The following MYO18A variants were observed in gnomAD, a reference collection of about 807,000 sequenced individuals.
MYO18A encodes the protein unconventional myosin-XVIIIa.
MYO18A carries 78 observed loss-of-function variants against 235.8 expected under a neutral mutation model. That is an observed-to-expected ratio of 0.33 (90% confidence interval 0.28 to 0.40). MYO18A has a LOEUF of 0.40. MYO18A is among the 10% of genes least tolerant of loss of function. The pLI, the probability that MYO18A is intolerant of heterozygous loss-of-function variation, is 1.00. For missense variants in MYO18A, 2,215 were observed against 2,699.3 expected (o/e 0.82, Z 3.98); for synonymous variants, 977 against 1,077.8 (o/e 0.91, Z 1.83).
At chr17:29,129,309 C>A (rs2067403584) in intron 2 of MYO18A, among the ~76,000 whole-genome samples, 1 of 152,172 alleles carries the variant, frequency 6.6e-6, no homozygotes. Flanking sequence ...TTTCCTCCTG[C>A]AAACCTCTCA....
rs914343856 is a variant in MYO18A at position 29,106,668 on chromosome 17, C to T, written c.3441+412G>A. Among the ~76,000 whole-genome samples, 2 of 152,190 alleles carry T rather than the reference C, an allele frequency of 1.3e-5. No individual in the cohort carries two copies. The highest frequency in any genetic ancestry group is 2.4e-5 in the African/African-American group (1 of 41,440). On this transcript the variant is annotated intron_variant, in intron 20 of 41. Coordinates refer to ENST00000527372, the MANE Select transcript of MYO18A (RefSeq NM_078471.4). The surrounding 1 kb of genome is among the most constrained non-coding windows in gnomAD (Gnocchi z 4.6). ...GGCAGCCTATGTTCACCTGGCACCA[C>T]GGAGGTCTCACCATATCCACCTTCC...
intron 32 of MYO18A, 116 bp from the exon 33 acceptor site, chr17:29,093,117 G>A: frequency 7.2e-7 from 1 of 1,395,416 alleles, no homozygotes; most frequent in Non-Finnish European, 9.6e-7. Flanking sequence ...GATGCTGGAA[G>A]AGCCAGGGTC....
At chr17:29,176,936 C>T (rs866848049) in intron 1 of MYO18A, among the ~76,000 whole-genome samples, 7 of 152,338 alleles carry the variant, frequency 4.6e-5, no homozygotes, top group African/African-American at 9.6e-5. Context: ...CCATCTCCCC[C>T]GGAAGGCAGC....
chr17:29,086,530 A>G lies in MYO18A; in HGVS notation c.5760T>C (p.Ala1920=). 2 of 1,613,072 alleles carry G rather than the reference A, an allele frequency of 1.2e-6. No individual in the cohort carries two copies. The highest frequency in any genetic ancestry group is 1.7e-6 in the Non-Finnish European group (2 of 1,179,546). Residue 1920 remains alanine (A), a synonymous_variant, in exon 39 of 42, where the codon GCT becomes GCC. Transcript: ENST00000527372. ...TGCGCTTGAATGCCAACTTTAGGTC[A>G]GCCTGCAGGCTCTGGTTAGCAGCCT... is the stretch of plus-strand genomic sequence containing the variant. The part of the protein sequence containing the change: ...SLEAANQSLQ[A]DLKLAFKRIG...
In MYO18A at chr17:29,166,479, C is replaced by G. The variant is rs1313427344; in HGVS notation, c.462G>C (p.Ser154=). 2 of 1,613,590 alleles carry G rather than the reference C, an allele frequency of 1.2e-6. No individual in the cohort carries two copies. Among genetic ancestry groups the G allele is most frequent in the Admixed American group, 1.7e-5 (1 of 60,010 alleles). ...RSRDESASET[S]TPSEHSAAPS... ...GGGCGGCAGAGTGCTCTGAGGGCGT[C>G]GAGGTTTCTGAGGCGCTCTCATCCC... Residue 154 remains serine (S), a synonymous_variant, in exon 2 of 42, where the codon TCG becomes TCC. Transcript: ENST00000527372.
At chr17:29,148,348 G>A (rs1404987406) in intron 2 of MYO18A, among the ~76,000 whole-genome samples, 2 of 152,190 alleles carry the variant, frequency 1.3e-5, no homozygotes, top group African/African-American at 4.8e-5. Flanking sequence ...TATTTAGGGA[G>A]TTGGGGAGAG....
chr17:29,135,438 T>TG (rs11411196), intron 2 of MYO18A, among the ~76,000 whole-genome samples: 92,975 of 152,084 alleles, frequency 0.61, 29,284 homozygotes, highest in East Asian at 0.88. Flanking sequence ...TTATCATGAA[T>TG]AATAGTTAAA....
chr17:29,161,074 G>C (rs2068161822), intron 2 of MYO18A, among the ~76,000 whole-genome samples: 1 of 152,046 alleles, frequency 6.6e-6, no homozygotes, highest in South Asian at 2.1e-4. Flanking sequence ...CAAAAATTAG[G>C]CTGGGCTTGG....
intron 11 of MYO18A, 110 bp downstream of exon 11, chr17:29,116,334 G>A: frequency 2.3e-6 from 3 of 1,325,678 alleles, no homozygotes; most frequent in Non-Finnish European, 3.3e-6. Context: ...ACAGTGGGGA[G>A]GCAAAAAAGC....
At chr17:29,093,894 A>C (rs1598289721) in intron 31 of MYO18A, 86 bp downstream of exon 31, 2 of 917,650 alleles carry the variant, frequency 2.2e-6, no homozygotes, top group African/African-American at 3.3e-5. Flanking sequence ...GATGTGGCTG[A>C]GGTAGGGAGG....
chr17:29,086,311 G>C, intron 39 of MYO18A, 127 bp downstream of exon 39: 1 of 1,064,520 alleles, frequency 9.4e-7, no homozygotes, highest in Non-Finnish European at 1.4e-6. Context: ...GCAGTAAAGG[G>C]AGGGTGGGTT....
At chr17:29,093,174 C>A (rs544278485) in intron 32 of MYO18A, 149 bp downstream of exon 32, 8 of 1,057,542 alleles carry the variant, frequency 7.6e-6, no homozygotes, top group Admixed American at 2.2e-5. Context: ...TATGGTGATG[C>A]CCCCATCCCA....
In MYO18A at chr17:29,111,377, A is replaced by C. The variant is rs768542428; in HGVS notation, c.2900+47T>G. Reference sequence around the variant, plus strand: ...CCAGGGGGAGGGAGCCCCAAAATCAAAACAGTCCTGGGTACAGAACAGGGG... The same window carrying C: ...CCAGGGGGAGGGAGCCCCAAAATCACAACAGTCCTGGGTACAGAACAGGGG... On this transcript the variant is annotated intron_variant, in intron 17 of 41. Transcript: ENST00000527372. The surrounding 1 kb of genome is among the most constrained non-coding windows in gnomAD (Gnocchi z 5.1). 8.2e-6 allele frequency: 13 copies of C among 1,588,738 alleles called. No homozygotes were observed. The East Asian group carries it at 2.9e-4, about 36-fold the overall frequency.
chr17:29,147,028 G>C (rs548832882), intron 2 of MYO18A, among the ~76,000 whole-genome samples: 1 of 152,334 alleles, frequency 6.6e-6, no homozygotes, highest in South Asian at 2.1e-4. Flanking sequence ...GGGAATTGTG[G>C]AATGGGGAAA....
chr17:29,085,051 GGC>G (rs2066219423), intron 40 of MYO18A, among the ~76,000 whole-genome samples: 1 of 152,202 alleles, frequency 6.6e-6, no homozygotes, highest in Non-Finnish European at 1.5e-5. Flanking sequence ...CCCCCGCCAC[GGC>G]AAGCAGCCCA....
rs2067328626 is a variant in MYO18A, at chr17:29,126,629, C to T, written c.1000-4376G>A. Reference sequence around the variant, plus strand: ...CCTCAAGGCCTCTCAGGCTATTCCCCCATACCCTCCAGACCCCTCTCCTTC... The same window carrying T: ...CCTCAAGGCCTCTCAGGCTATTCCCTCATACCCTCCAGACCCCTCTCCTTC... On this transcript the variant is annotated intron_variant, in intron 2 of 41. Transcript: ENST00000527372. This position sits in a 1 kb window ranked among gnomAD's most constrained non-coding sequence, Gnocchi z 4.1. Among the ~76,000 whole-genome samples, 1 of 152,162 alleles carries T rather than the reference C, an allele frequency of 6.6e-6. No homozygotes were observed. The highest frequency in any genetic ancestry group is 2.4e-5 in the African/African-American group (1 of 41,424).
intron 2 of MYO18A, among the ~76,000 whole-genome samples, chr17:29,131,976 C>T (rs2067484301): frequency 1.3e-5 from 2 of 152,374 alleles, no homozygotes; most frequent in South Asian, 4.1e-4. Context: ...GCACAACTCC[C>T]CCAGCTCAGC....
intron 2 of MYO18A, among the ~76,000 whole-genome samples, chr17:29,124,082 T>C (rs2067263044): frequency 6.6e-6 from 1 of 151,950 alleles, no homozygotes; most frequent in Non-Finnish European, 1.5e-5. Flanking sequence ...GTTGTATATA[T>C]ATATTTTTTC....
In MYO18A at chr17:29,140,373, G is replaced by T. The variant is rs990017751; in HGVS notation, c.1000-18120C>A. 1.0e-5 allele frequency: 13 copies of T among 1,284,742 alleles called. No homozygotes were observed. In the Admixed American group the frequency reaches 3.1e-4, roughly 30 times the overall value. The allele number at this position is 1,284,742 out of a possible 1,614,324, so 79.6% of individuals were successfully genotyped here. ...CCTGGCCTGGAGCAGCCCAGAGCAA[G>T]GAGACTCCGCTCTGATGCTGCTCTG... On this transcript the variant is annotated intron_variant, in intron 2 of 41. Coordinates refer to ENST00000527372, the MANE Select transcript of MYO18A (RefSeq NM_078471.4). The surrounding 1 kb of genome is among the most constrained non-coding windows in gnomAD (Gnocchi z 4.2).
Sources: gnomAD v4.1 joint callset for allele counts (sites outside exome capture counted in the v4.1 genomes callset) on GRCh38, gnomAD v4.1.1 for gene constraint, Gnocchi (gnomAD v3.1) non-coding constraint, MANE v1.5 for transcripts, NCBI Gene and HGNC (gene_info 2026-07-23, HGNC 2026-07-21) for gene names.